The following SPIN1 variants were observed in gnomAD, a reference collection of about 807,000 sequenced individuals.
SPIN1 encodes the protein spindlin-1.
SPIN1 carries 3 observed loss-of-function variants against 26.0 expected under a neutral mutation model. The observed-to-expected ratio is 0.12, with a 90% CI of 0.05 to 0.30. The LOEUF (loss-of-function observed/expected upper bound fraction) is 0.30, where lower values mean the gene tolerates loss of function less well. Among genes scored for constraint, SPIN1 ranks in the 10% least tolerant of loss-of-function variants. SPIN1 has a pLI of 1.00. For synonymous variants in SPIN1, 101 were observed against 116.5 expected (o/e 0.87, Z 0.86); for missense variants, 126 against 333.4 (o/e 0.38, Z 4.84).
Position 88,477,974 on chromosome 9 carries a change from A to G in SPIN1, c.*2697A>G, listed in dbSNP as rs111592710. On this transcript the variant is annotated 3_prime_UTR_variant, in exon 6 of 6. Transcript: ENST00000375859. ...AACTGACTAAAATTGCATGTTAAAG[A>G]TATTTAGGTTTTTTTGTTTTCTTTA... 288 of 152,230 alleles carry G rather than the reference A, an allele frequency of 1.9e-3. No homozygotes were observed. Among genetic ancestry groups the G allele is most frequent in the African/African-American group, 6.4e-3 (267 of 41,530 alleles). 9.4% of individuals were successfully genotyped at this position (152,230 alleles called of 1,614,324 possible). A position where few individuals can be genotyped will look rare whatever the true frequency, so the allele number is the denominator to read the frequency against.
intron 2 of SPIN1, among the ~76,000 whole-genome samples, chr9:88,432,896 C>T (rs1827911012): frequency 6.6e-6 from 1 of 152,036 alleles, no homozygotes; most frequent in South Asian, 2.1e-4. Flanking sequence ...TAAGTGCCTT[C>T]CCTCTTCCTC....
intron 1 of SPIN1, among the ~76,000 whole-genome samples, chr9:88,392,605 C>CTCCT (rs768129803): frequency 1.3e-5 from 2 of 151,784 alleles, no homozygotes; most frequent in Admixed American, 6.6e-5. Context: ...CCTTCCTTCC[C>CTCCT]TCCTTCCTTC....
Position 88,408,095 on chromosome 9 carries a change from G to GT in SPIN1, c.-158-18277dup, listed in dbSNP as rs566537920. Among the ~76,000 whole-genome samples, 390 of 147,826 alleles carry GT rather than the reference G, an allele frequency of 2.6e-3. 9 individuals are homozygous for GT. In the South Asian group the frequency reaches 0.047, roughly 18 times the overall value. On this transcript the variant is annotated intron_variant, in intron 1 of 5. Transcript: ENST00000375859. ...AATCTCTTGGTACTGCAGGCTTTAT[G>GT]TTTTTTTTTTCTGCCTTTAGTTTTC... is the stretch of plus-strand genomic sequence containing the variant.
chr9:88,408,159 T>C (rs559960628), intron 1 of SPIN1, among the ~76,000 whole-genome samples: 1 of 152,044 alleles, frequency 6.6e-6, no homozygotes, highest in South Asian at 2.1e-4. Context: ...TATATTTCTT[T>C]ATTCATCCTG....
intron 1 of SPIN1, chr9:88,411,521 C>CT (rs1290180578): frequency 8.3e-4 from 563 of 677,792 alleles, no homozygotes; most frequent in South Asian, 1.5e-3. Flanking sequence ...GGGCAGAAAG[C>CT]TTTTTTTTTG....
intron 5 of SPIN1, among the ~76,000 whole-genome samples, chr9:88,471,460 C>T (rs1368416865): frequency 1.3e-5 from 2 of 151,750 alleles, no homozygotes; most frequent in Admixed American, 1.3e-4. Context: ...GTCAGGAGTT[C>T]GAGACCAGCC....
At chr9:88,425,318 C>T (rs575523426) in intron 1 of SPIN1, among the ~76,000 whole-genome samples, 9 of 152,200 alleles carry the variant, frequency 5.9e-5, no homozygotes, top group Admixed American at 1.3e-4. Context: ...TAGGCCTAGT[C>T]TCTCTACATC....
chr9:88,408,380 T>C (rs1166215468), intron 1 of SPIN1, among the ~76,000 whole-genome samples: 8 of 79,942 alleles, frequency 1.0e-4, no homozygotes, highest in Middle Eastern at 6.4e-3. Flanking sequence ...TTTTTTCTTT[T>C]TTTTTTTTTT....
At chr9:88,444,464 C>T (rs1487060423) in intron 2 of SPIN1, among the ~76,000 whole-genome samples, 1 of 151,722 alleles carries the variant, frequency 6.6e-6, no homozygotes, top group East Asian at 2.0e-4. Flanking sequence ...AGGACAGTCT[C>T]GATCTCCTGA....
At chr9:88,423,890 C>G (rs990632916) in intron 1 of SPIN1, among the ~76,000 whole-genome samples, 17 of 152,170 alleles carry the variant, frequency 1.1e-4, no homozygotes, top group African/African-American at 3.9e-4. Context: ...CTCAGCATCT[C>G]GAGTAGCTGG....
intron 2 of SPIN1, 141 bp downstream of exon 2, chr9:88,426,732 T>G (rs72755884): frequency 0.098 from 53,323 of 545,620 alleles, 3,209 homozygotes; most frequent in South Asian, 0.14. Context: ...ATGCATATAT[T>G]AAGAAGCAGA....
chr9:88,404,090 TAA>T (rs1453921200), intron 1 of SPIN1, among the ~76,000 whole-genome samples: 10 of 152,138 alleles, frequency 6.6e-5, no homozygotes, highest in Non-Finnish European at 1.5e-5. Flanking sequence ...CAATGGTAAG[TAA>T]TTATGTATGT....
intron 3 of SPIN1, among the ~76,000 whole-genome samples, chr9:88,455,831 G>A (rs1828459276): frequency 6.6e-6 from 1 of 151,668 alleles, no homozygotes; most frequent in Admixed American, 6.6e-5. Flanking sequence ...TTAAACATTA[G>A]CTAGGCATGG....
intron 2 of SPIN1, among the ~76,000 whole-genome samples, chr9:88,448,105 G>A (rs1207394791): frequency 6.6e-6 from 1 of 150,496 alleles, no homozygotes; most frequent in Admixed American, 6.6e-5. Flanking sequence ...GTGCAGTAGT[G>A]CAGTCTTGGC....
rs189161243 is a variant in SPIN1, at chr9:88,423,422, G to A, written c.-158-2960G>A. 1.7e-3 allele frequency among the ~76,000 whole-genome samples: 259 copies of A among 150,414 alleles called. 1 individual carries two copies. Among genetic ancestry groups the A allele is most frequent in the South Asian group, 6.0e-3 (29 of 4,798 alleles). On this transcript the variant is annotated intron_variant, in intron 1 of 5. Coordinates refer to ENST00000375859, the MANE Select transcript of SPIN1 (RefSeq NM_006717.3). The stretch of plus-strand genomic sequence containing the variant: ...TTAAAATTGGGAAATACTACATTAT[G>A]GTTTGTGGGTTTTTTGTTTGTTTGT...
chr9:88,389,532 GGAGA>G (rs1826873993), intron 1 of SPIN1: 1 of 152,076 alleles, frequency 6.6e-6, no homozygotes, highest in Non-Finnish European at 1.5e-5. Flanking sequence ...TTTGTGTTTT[GGAGA>G]GATTTTCCGT....
At chr9:88,442,527 C>T (rs1417985977) in intron 2 of SPIN1, among the ~76,000 whole-genome samples, 1 of 151,790 alleles carries the variant, frequency 6.6e-6, no homozygotes, top group African/African-American at 2.4e-5. Flanking sequence ...CCTCAGCCTC[C>T]CGAGTAGCTG....
chr9:88,460,617 G>A lies in SPIN1; in HGVS notation c.102-1879G>A, dbSNP rs370085427. On this transcript the variant is annotated intron_variant, in intron 3 of 5. Transcript: ENST00000375859. Reference sequence around the variant, plus strand: ...ATTCATTCTGCAGGTCTAGAACCAGGGGACCCAGTGGTGTCAGTTCCAGTC... The same window carrying A: ...ATTCATTCTGCAGGTCTAGAACCAGAGGACCCAGTGGTGTCAGTTCCAGTC... Among the ~76,000 whole-genome samples the A allele has an allele frequency of 7.4e-4, 112 of 152,270 alleles. 1 individual carries two copies. The South Asian group carries it at 0.021, about 29-fold the overall frequency.
chr9:88,433,688 C>T (rs547473894), intron 2 of SPIN1, among the ~76,000 whole-genome samples: 2 of 152,268 alleles, frequency 1.3e-5, no homozygotes, highest in African/African-American at 4.8e-5. Context: ...TTTAAGTTTA[C>T]ATAGTCATAT....
Sources: gnomAD v4.1 joint callset for allele counts (sites outside exome capture counted in the v4.1 genomes callset) on GRCh38, gnomAD v4.1.1 for gene constraint, MANE v1.5 for transcripts, NCBI Gene and HGNC (gene_info 2026-07-23, HGNC 2026-07-21) for gene names.